The following PPP2R2B variants were observed in gnomAD, a reference collection of about 807,000 sequenced individuals.
PPP2R2B encodes the protein protein phosphatase 2 regulatory subunit Bbeta, also known as serine/threonine-protein phosphatase 2A 55 kDa regulatory subunit B beta isoform.
In PPP2R2B, 5 loss-of-function variants were observed where a neutral mutation model predicts 46.0. The observed-to-expected ratio is 0.11, with a 90% CI of 0.06 to 0.23. The LOEUF (loss-of-function observed/expected upper bound fraction) is 0.23. Among genes scored for constraint, PPP2R2B ranks in the 10% least tolerant of loss-of-function variants. PPP2R2B has a pLI of 1.00. For synonymous variants in PPP2R2B, 215 were observed against 206.7 expected, an observed-to-expected ratio of 1.04 and a Z score of -0.34; for missense variants, 367 against 575.0, an observed-to-expected ratio of 0.64 and a Z score of 3.70.
chr5:146,809,000 C>T lies in PPP2R2B; in HGVS notation c.70+69002G>A, dbSNP rs142159537. On this transcript the variant is annotated intron_variant, in intron 2 of 9. Transcript: ENST00000394411. ...GTGTGTGTGTGTGTGTGTGTGCGCG[C>T]GCACCCACTTCTCCAGTGATGAATG... is the stretch of plus-strand genomic sequence containing the variant. 1.7e-3 allele frequency among the ~76,000 whole-genome samples: 244 copies of T among 145,806 alleles called. 9 individuals are homozygous for T. The South Asian group carries it at 0.044, about 26-fold the overall frequency.
intron 7 of PPP2R2B, among the ~76,000 whole-genome samples, chr5:146,630,031 C>T (rs1774323213): frequency 6.6e-6 from 1 of 152,156 alleles, no homozygotes. Flanking sequence ...CCAGGCTGGT[C>T]TCGAACCTCC....
intron 5 of PPP2R2B, among the ~76,000 whole-genome samples, chr5:146,654,554 G>A (rs1450046774): frequency 1.3e-5 from 2 of 152,156 alleles, no homozygotes; most frequent in Non-Finnish European, 1.5e-5. Context: ...GACATCATCT[G>A]TGTGTGTGGT....
intron 2 of PPP2R2B, among the ~76,000 whole-genome samples, chr5:146,843,668 T>A (rs1759803471): frequency 6.6e-6 from 1 of 152,230 alleles, no homozygotes; most frequent in Non-Finnish European, 1.5e-5. Context: ...GGAATGGTTC[T>A]ACTTGCTTCT....
At chr5:146,652,555 A>G (rs1776044912) in intron 5 of PPP2R2B, among the ~76,000 whole-genome samples, 1 of 152,166 alleles carries the variant, frequency 6.6e-6, no homozygotes, top group Non-Finnish European at 1.5e-5. Flanking sequence ...CTGAGAATGT[A>G]TGTATTGGAA....
rs111500956 is a variant in PPP2R2B at position 146,927,124 on chromosome 5, C to T, written c.79+128541G>A. Among the ~76,000 whole-genome samples, 32 of 152,218 alleles carry T rather than the reference C, an allele frequency of 2.1e-4. 1 individual carries two copies. Among genetic ancestry groups the T allele is most frequent in the African/African-American group, 7.2e-4 (30 of 41,534 alleles). On this transcript the variant is annotated intron_variant, in intron 1 of 8. Transcript: ENST00000336640. ...AGAACATCTCAGATTCCCAGTGTTC[C>T]TGAGTGATGTCCCATGATTTTTAAA...
intron 2 of PPP2R2B, among the ~76,000 whole-genome samples, chr5:146,799,322 G>A (rs916826480): frequency 6.6e-6 from 1 of 152,206 alleles, no homozygotes; most frequent in African/African-American, 2.4e-5. Flanking sequence ...TTGGGCTGCT[G>A]CTGGTGATAG....
At chr5:146,607,066 T>G (rs954442903) in intron 7 of PPP2R2B, 1 of 152,202 alleles carries the variant, frequency 6.6e-6, no homozygotes, top group African/African-American at 2.4e-5. Context: ...GTGAGGCAGA[T>G]GGCAATTTTC....
In PPP2R2B at chr5:147,078,406, AT is replaced by A. The variant is rs547366802; in HGVS notation, c.50+2652del. On this transcript the variant is annotated intron_variant, in intron 2 of 10. Transcript: ENST00000394413. ...CAAGATTTAAGTGCAGAGTAAGAGA[AT>A]AATGGATTACTTGGAACAAGTCATC... 1.8e-3 allele frequency among the ~76,000 whole-genome samples: 273 copies of A among 152,292 alleles called. 2 individuals carry two copies. Among genetic ancestry groups the A allele is most frequent in the African/African-American group, 6.2e-3 (257 of 41,562 alleles).
intron 1 of PPP2R2B, among the ~76,000 whole-genome samples, chr5:146,929,031 T>C (rs185571771): frequency 6.6e-6 from 1 of 152,266 alleles, no homozygotes; most frequent in East Asian, 1.9e-4. Flanking sequence ...AGTGACTAAT[T>C]CTCTCACTTC....
At chr5:146,997,452 C>G (rs1259731673) in intron 1 of PPP2R2B, among the ~76,000 whole-genome samples, 1 of 152,130 alleles carries the variant, frequency 6.6e-6, no homozygotes, top group South Asian at 2.1e-4. Context: ...AGCACAGCAC[C>G]CATGGACATG....
intron 2 of PPP2R2B, among the ~76,000 whole-genome samples, chr5:147,079,469 T>TACAC (rs1554091379): frequency 8.6e-5 from 12 of 139,054 alleles, no homozygotes; most frequent in African/African-American, 3.2e-4. Context: ...TATATATATA[T>TACAC]ACATGTGCAA....
chr5:146,597,294 T>C (rs1266800016), intron 8 of PPP2R2B, among the ~76,000 whole-genome samples: 6 of 152,182 alleles, frequency 3.9e-5, no homozygotes, highest in Non-Finnish European at 8.8e-5. Flanking sequence ...TTTGCTTCCT[T>C]GGTCATATTA....
At chr5:147,018,903 TA>T (rs796933549) in intron 1 of PPP2R2B, among the ~76,000 whole-genome samples, 5 of 152,272 alleles carry the variant, frequency 3.3e-5, no homozygotes, top group African/African-American at 9.6e-5. Context: ...GTTATTATTT[TA>T]AAAAACTCCC....
intron 2 of PPP2R2B, among the ~76,000 whole-genome samples, chr5:147,068,972 C>A (rs1360259745): frequency 1.3e-5 from 2 of 152,032 alleles, no homozygotes; most frequent in Non-Finnish European, 2.9e-5. Context: ...ATGATAATGA[C>A]CCTTAAGAAA....
chr5:146,996,850 G>A (rs189094242), intron 1 of PPP2R2B, among the ~76,000 whole-genome samples: 19 of 152,128 alleles, frequency 1.2e-4, no homozygotes, highest in Admixed American at 3.9e-4. Flanking sequence ...CTCACTCCAT[G>A]TCCCACCAGG....
intron 1 of PPP2R2B, among the ~76,000 whole-genome samples, chr5:147,010,323 T>A (rs1754657573): frequency 6.6e-6 from 1 of 152,164 alleles, no homozygotes; most frequent in Non-Finnish European, 1.5e-5. Context: ...GGGGGAATGG[T>A]TCGGGGATGG....
At chr5:146,641,503 ATTTTTTTTT>A (rs61445378) in intron 6 of PPP2R2B, among the ~76,000 whole-genome samples, 94,424 of 128,874 alleles carry the variant, frequency 0.73, 34,841 homozygotes, top group Non-Finnish European at 0.83. Context: ...GTGCTCTAAG[ATTTTTTTTT>A]TTTTTTTTTT....
chr5:146,712,597 G>T (rs1371761364), intron 2 of PPP2R2B, among the ~76,000 whole-genome samples: 2 of 152,204 alleles, frequency 1.3e-5, no homozygotes, highest in Non-Finnish European at 2.9e-5. Context: ...AGTCAGGAAA[G>T]ATTTAATGTT....
At chr5:147,055,559 C>CA in intron 1 of PPP2R2B, 1 of 965,406 alleles carries the variant, frequency 1.0e-6, no homozygotes. Context: ...CCAGGAATGA[C>CA]AGTCACCTAG....
Sources: gnomAD v4.1 joint callset for allele counts (sites outside exome capture counted in the v4.1 genomes callset) on GRCh38, gnomAD v4.1.1 for gene constraint, MANE v1.5 for transcripts, NCBI Gene and HGNC (gene_info 2026-07-23, HGNC 2026-07-21) for gene names.